IFT74: variants seen among roughly 807,000 people sequenced by gnomAD.
The protein encoded by IFT74 is intraflagellar transport protein 74 homolog.
IFT74 carries 92 observed loss-of-function variants against 96.7 expected under a neutral mutation model. The observed-to-expected ratio is 0.95, with a 90% CI of 0.80 to 1.13. IFT74 has a LOEUF of 1.13. Ranked by LOEUF, IFT74 falls within the 50% of genes most tolerant of loss-of-function variation. The pLI, the probability that IFT74 is intolerant of heterozygous loss-of-function variation, is 0.00. For synonymous variants in IFT74, 223 were observed against 213.2 expected (o/e 1.05, Z -0.40); for missense variants, 811 against 698.2 (o/e 1.16, Z -1.82).
At chr9:26,980,520 T>C (rs779175921) in intron 3 of IFT74, 51 bp from the exon 4 acceptor site, 2 of 1,106,790 alleles carry the variant, frequency 1.8e-6, no homozygotes, top group South Asian at 2.5e-5. Context: ...GGATTTGCTA[T>C]TCTGGTGGCA....
chr9:27,021,624 C>T lies in IFT74; in HGVS notation c.974+2937C>T, dbSNP rs546351950. On this transcript the variant is annotated intron_variant, in intron 12 of 19. Transcript: ENST00000380062. ...CTATGATTGTTGACCATTTGTATAT[C>T]TTCTTTTGAGAGTCATCTATTCATG... Among the ~76,000 whole-genome samples the T allele has an allele frequency of 5.3e-5, 8 of 152,130 alleles. No homozygotes were observed. The South Asian group carries it at 1.5e-3, about 28-fold the overall frequency.
intron 12 of IFT74, among the ~76,000 whole-genome samples, chr9:27,028,575 G>A (rs1192485860): frequency 6.6e-6 from 1 of 151,960 alleles, no homozygotes; most frequent in Non-Finnish European, 1.5e-5. Flanking sequence ...GGCCAACATG[G>A]TGAAACCCCG....
intron 13 of IFT74, among the ~76,000 whole-genome samples, chr9:27,037,373 A>G (rs1449502908): frequency 6.6e-6 from 1 of 152,148 alleles, no homozygotes; most frequent in Admixed American, 6.5e-5. Flanking sequence ...AGTTGAAGAG[A>G]GTGAGAGGAA....
intron 13 of IFT74, among the ~76,000 whole-genome samples, chr9:27,038,364 G>A (rs575214640): frequency 6.6e-6 from 1 of 152,170 alleles, no homozygotes; most frequent in Non-Finnish European, 1.5e-5. Flanking sequence ...CTGGGTTCAA[G>A]CAGTTCTCAC....
In IFT74 at chr9:27,055,673, A is replaced by G. The variant is rs202158905; in HGVS notation, c.1398A>G (p.Glu466=). 2.5e-6 allele frequency: 4 copies of G among 1,594,186 alleles called. No individual in the cohort carries two copies. The Admixed American group carries it at 5.4e-5, about 21-fold the overall frequency. ...MELLESKMTE[E]QHSLKSKIKQ... is the part of the protein sequence containing the mutation. ...TTCTAGAAAGTAAGATGACTGAAGA[A>G]CAGCATTCTCTAAAAAGCAAAATTA... is the stretch of plus-strand genomic sequence containing the variant. Residue 466 remains glutamate (E), a synonymous_variant, in exon 17 of 20, where the codon GAA becomes GAG. Coordinates refer to ENST00000380062, the MANE Select transcript of IFT74 (RefSeq NM_025103.4).
chr9:26,950,342 C>G (rs1825894843), intron 1 of IFT74, among the ~76,000 whole-genome samples: 1 of 150,758 alleles, frequency 6.6e-6, no homozygotes, highest in Admixed American at 6.6e-5. Flanking sequence ...GAAAAGCAAG[C>G]TAATCAAACA....
At chr9:26,997,996 G>T in intron 8 of IFT74, 2 of 1,613,934 alleles carry the variant, frequency 1.2e-6, no homozygotes, top group Non-Finnish European at 1.7e-6. Flanking sequence ...GAATTACATA[G>T]ATGGAGTTTC....
chr9:27,015,723 C>G (rs1829306773), intron 10 of IFT74, among the ~76,000 whole-genome samples: 1 of 152,144 alleles, frequency 6.6e-6, no homozygotes, highest in Admixed American at 6.6e-5. Flanking sequence ...ACTGTTAACT[C>G]TTATGTCTTT....
intron 8 of IFT74, chr9:26,993,574 G>A (rs1827984683): frequency 6.6e-6 from 1 of 152,500 alleles, no homozygotes; most frequent in South Asian, 2.1e-4. Context: ...CTTTTAAAAT[G>A]ACTATTCTAT....
At chr9:26,958,158 C>G (rs1013142622) in intron 1 of IFT74, among the ~76,000 whole-genome samples, 1 of 152,154 alleles carries the variant, frequency 6.6e-6, no homozygotes, top group African/African-American at 2.4e-5. Flanking sequence ...TTGCTTATCA[C>G]TGAGACAGAT....
chr9:26,968,571 T>A (rs778978769), intron 2 of IFT74, among the ~76,000 whole-genome samples: 4 of 152,212 alleles, frequency 2.6e-5, no homozygotes, highest in Non-Finnish European at 5.9e-5. Context: ...GGACACTTTT[T>A]ATTATGGCTT....
rs62542669 is a variant in IFT74, at chr9:27,009,346, C to A, written c.726+188C>A. ...TCAGAAGAATTTATTTAGAAAACTT[C>A]ATTTTCATCTGCTGTTTGATGACCT... On this transcript the variant is annotated intron_variant, in intron 9 of 19. Transcript: ENST00000380062. 0.06 allele frequency among the ~76,000 whole-genome samples: 9,062 copies of A among 152,212 alleles called. 321 individuals carry two copies. The highest frequency in any genetic ancestry group is 0.16 in the Middle Eastern group (46 of 294).
Position 26,988,668 on chromosome 9 carries a change from G to T in IFT74, c.466-1G>T. ...TTGTTTGTTTGTATTTTTGTTTTTAGTTGGTAGATAAACTTAATACCAACA... is the reference window on the plus strand; with the variant it reads ...TTGTTTGTTTGTATTTTTGTTTTTATTTGGTAGATAAACTTAATACCAACA... On this transcript the variant is annotated splice_acceptor_variant, in intron 6 of 19. Transcript: ENST00000380062. LOFTEE classifies it high-confidence loss of function. The T allele has an allele frequency of 6.5e-7, 1 of 1,544,660 alleles. No homozygotes were observed. Among genetic ancestry groups the T allele is most frequent in the South Asian group, 1.2e-5 (1 of 86,192 alleles).
chr9:26,988,512 A>G lies in IFT74; in HGVS notation c.466-157A>G, dbSNP rs143937528. Among the ~76,000 whole-genome samples, 220 of 152,334 alleles carry G rather than the reference A, an allele frequency of 1.4e-3. 2 individuals carry two copies. The highest frequency in any genetic ancestry group is 5.0e-3 in the African/African-American group (209 of 41,580). ...AATATATGCTTACTTAGGTAGCTCA[A>G]TATTTGTTTTTATCTTAAAATAGAA... On this transcript the variant is annotated intron_variant, in intron 6 of 19. Coordinates refer to ENST00000380062, the MANE Select transcript of IFT74 (RefSeq NM_025103.4).
intron 4 of IFT74, 133 bp downstream of exon 4, chr9:26,980,752 T>C: frequency 1.7e-6 from 1 of 582,974 alleles, no homozygotes; most frequent in Admixed American, 3.6e-5. Flanking sequence ...TCTATTGATT[T>C]CTAAAAATTA....
chr9:26,984,628 A>G, intron 6 of IFT74, 69 bp downstream of exon 6: 1 of 1,217,408 alleles, frequency 8.2e-7, no homozygotes, highest in Non-Finnish European at 1.2e-6. Context: ...CTTTAAAAAT[A>G]CATTAGTAGG....
chr9:26,982,725 G>C (rs1827441236), intron 4 of IFT74, among the ~76,000 whole-genome samples: 1 of 152,004 alleles, frequency 6.6e-6, no homozygotes, highest in South Asian at 2.1e-4. Context: ...AGAGTGCTGG[G>C]ATTACAGGTG....
intron 6 of IFT74, among the ~76,000 whole-genome samples, chr9:26,988,328 T>G (rs1827722762): frequency 6.6e-6 from 1 of 152,148 alleles, no homozygotes; most frequent in South Asian, 2.1e-4. Flanking sequence ...GGGTGATAGA[T>G]CTTTCCAAAA....
At chr9:27,019,610 T>A (rs1347716971) in intron 12 of IFT74, among the ~76,000 whole-genome samples, 3 of 151,344 alleles carry the variant, frequency 2.0e-5, no homozygotes. Context: ...ACATGCTTAG[T>A]ATTTTATTAA....
Sources: gnomAD v4.1 joint callset for allele counts (sites outside exome capture counted in the v4.1 genomes callset) on GRCh38, gnomAD v4.1.1 for gene constraint, MANE v1.5 for transcripts, NCBI Gene and HGNC (gene_info 2026-07-23, HGNC 2026-07-21) for gene names.